PHACTR4: variants seen among roughly 807,000 people sequenced by gnomAD.
The protein encoded by PHACTR4 is phosphatase and actin regulator 4, also known as protein phosphatase 1, regulatory subunit 124.
In PHACTR4, 51 loss-of-function variants were observed where a neutral mutation model predicts 72.7. The ratio of observed to expected loss-of-function variants is 0.70; its 90% confidence interval spans 0.56 to 0.89. The LOEUF is 0.89. PHACTR4 is among the 40% of genes least tolerant of loss of function. The pLI is 0.00. For missense variants in PHACTR4, 731 were observed against 861.8 expected (o/e 0.85, Z 1.90); for synonymous variants, 255 against 302.5 (o/e 0.84, Z 1.63).
intron 1 of PHACTR4, among the ~76,000 whole-genome samples, chr1:28,376,198 A>T (rs1050814250): frequency 6.6e-6 from 1 of 151,592 alleles, no homozygotes; most frequent in African/African-American, 2.4e-5. Flanking sequence ...CTGTGGTCCC[A>T]GCTACTCAGG....
At chr1:28,491,598 G>T in intron 11 of PHACTR4, 52 bp from the exon 12 acceptor site, 1 of 1,612,942 alleles carries the variant, frequency 6.2e-7, no homozygotes, top group Non-Finnish European at 8.5e-7. Flanking sequence ...TTGAATGCAT[G>T]ATTGATGCCT....
Position 28,476,209 on chromosome 1 carries a change from G to A in PHACTR4, c.1524G>A (p.Glu508=). 7 of 1,613,708 alleles carry A rather than the reference G, an allele frequency of 4.3e-6. No individual in the cohort carries two copies. Among genetic ancestry groups the A allele is most frequent in the Non-Finnish European group, 5.9e-6 (7 of 1,179,828 alleles). The change falls in exon 8 of 14, where the codon GAG becomes GAA. Residue 508 remains glutamate (E), a synonymous_variant. Transcript: ENST00000373839. ...CTAAATTACCACAGTGTCTACGGGAGGAAGAAGAGAAGGAGAGCGACTCTG... is the reference window on the plus strand; with the variant it reads ...CTAAATTACCACAGTGTCTACGGGAAGAAGAAGAGAAGGAGAGCGACTCTG... The part of the protein sequence containing the change: ...VIPKLPQCLR[E]EEEKESDSDS...
chr1:28,479,155 T>TCACACCTATAATCC (rs1398114030), intron 8 of PHACTR4, among the ~76,000 whole-genome samples: 1 of 151,632 alleles, frequency 6.6e-6, no homozygotes, highest in Admixed American at 6.6e-5. Context: ...CCACGGTGGC[T>TCACACCTATAATCC]CACACCTATA....
intron 2 of PHACTR4, among the ~76,000 whole-genome samples, chr1:28,409,357 G>T (rs139920785): frequency 6.6e-6 from 1 of 152,148 alleles, no homozygotes; most frequent in Non-Finnish European, 1.5e-5. Context: ...AGGACTACAG[G>T]CATACTCCAC....
intron 4 of PHACTR4, among the ~76,000 whole-genome samples, chr1:28,460,505 G>A (rs1056034761): frequency 2.0e-5 from 3 of 151,704 alleles, no homozygotes; most frequent in East Asian, 1.9e-4. Context: ...ACAATATTGC[G>A]TGTCTTTTTT....
At chr1:28,430,885 T>C (rs76523549) in intron 2 of PHACTR4, among the ~76,000 whole-genome samples, 13,499 of 152,102 alleles carry the variant, frequency 0.089, 1,294 homozygotes, top group African/African-American at 0.24. Flanking sequence ...AAACTGCTTA[T>C]TAAAAATATA....
At chr1:28,432,777 A>G (rs371370757) in intron 2 of PHACTR4, among the ~76,000 whole-genome samples, 4 of 152,258 alleles carry the variant, frequency 2.6e-5, no homozygotes, top group Admixed American at 6.5e-5. Context: ...GGGTCTCACT[A>G]TCATCCAGGC....
intron 1 of PHACTR4, among the ~76,000 whole-genome samples, chr1:28,406,035 C>G (rs1383682943): frequency 6.6e-6 from 1 of 152,182 alleles, no homozygotes; most frequent in African/African-American, 2.4e-5. Context: ...TAGCAGCTCT[C>G]ACTTTGATAC....
At position 28,491,743 on chromosome 1, in the gene PHACTR4, C is replaced by G. The variant is rs758350018; in HGVS notation, c.1972C>G (p.Arg658Gly). 5 of 1,614,112 alleles carry G rather than the reference C, an allele frequency of 3.1e-6. No individual in the cohort carries two copies. Among genetic ancestry groups the G allele is most frequent in the Non-Finnish European group, 4.2e-6 (5 of 1,180,032 alleles). ...GGTAACAGATGCTCAAGATTATGACCGGCGAGCCGACAAACCTTGGACCAA... is the reference window on the plus strand; with the variant it reads ...GGTAACAGATGCTCAAGATTATGACGGGCGAGCCGACAAACCTTGGACCAA... The part of the protein sequence containing the change: ...VEVTDAQDYD[R>G]RADKPWTKLT... The change falls in exon 12 of 14, where the codon CGG becomes GGG. Residue 658 changes from arginine (R) to glycine (G), a missense_variant. Physicochemically the swap from Arg to Gly is moderately radical, Grantham distance 125. Transcript: ENST00000373839.
At position 28,498,414 on chromosome 1, in the gene PHACTR4, G is replaced by A. The variant is rs1557858205; in HGVS notation, c.*1865G>A. 1 of 152,276 alleles carries A rather than the reference G, an allele frequency of 6.6e-6. No homozygotes were observed. Among genetic ancestry groups the A allele is most frequent in the Non-Finnish European group, 1.5e-5 (1 of 68,062 alleles). 9.4% of individuals were successfully genotyped at this position (152,276 alleles called of 1,614,324 possible). On this transcript the variant is annotated 3_prime_UTR_variant, in exon 14 of 14. Coordinates refer to ENST00000373839, the MANE Select transcript of PHACTR4 (RefSeq NM_001048183.3). Reference sequence around the variant, plus strand: ...CCTCTTCCACACTATAACCAGTATGGTTGGTGCTGGGGCATTGACTCAGCC... The same window carrying A: ...CCTCTTCCACACTATAACCAGTATGATTGGTGCTGGGGCATTGACTCAGCC...
intron 2 of PHACTR4, among the ~76,000 whole-genome samples, chr1:28,433,897 C>T (rs900429894): frequency 2.0e-5 from 3 of 152,190 alleles, no homozygotes; most frequent in Non-Finnish European, 4.4e-5. Context: ...TCTCCTGCCT[C>T]AGCCTCCTGA....
At chr1:28,419,401 A>C (rs1381900316) in intron 2 of PHACTR4, among the ~76,000 whole-genome samples, 1 of 149,212 alleles carries the variant, frequency 6.7e-6, no homozygotes, top group Non-Finnish European at 1.5e-5. Context: ...ACACATATAT[A>C]TACACACACA....
At chr1:28,468,474 C>T (rs1222796724) in intron 6 of PHACTR4, among the ~76,000 whole-genome samples, 2 of 152,100 alleles carry the variant, frequency 1.3e-5, no homozygotes, top group Non-Finnish European at 2.9e-5. Context: ...CACCTGTAAT[C>T]CCAGCTACTC....
At chr1:28,377,126 C>T (rs186021923) in intron 1 of PHACTR4, among the ~76,000 whole-genome samples, 100 of 151,948 alleles carry the variant, frequency 6.6e-4, no homozygotes, top group Non-Finnish European at 1.2e-3. Context: ...GACAGGGTTT[C>T]GCCATGTTGG....
chr1:28,371,289 T>C lies in PHACTR4; in HGVS notation c.-39+1464T>C, dbSNP rs189663299. On this transcript the variant is annotated intron_variant, in intron 1 of 13. Coordinates refer to ENST00000373839, the MANE Select transcript of PHACTR4 (RefSeq NM_001048183.3). ...CACTGTGCCCGACTATTTAATTTAATTTATTTATATTTATTTATTTATTTT... is the reference window on the plus strand; with the variant it reads ...CACTGTGCCCGACTATTTAATTTAACTTATTTATATTTATTTATTTATTTT... 1.1e-4 allele frequency among the ~76,000 whole-genome samples: 16 copies of C among 152,040 alleles called. No individual in the cohort carries two copies. The East Asian group carries it at 1.7e-3, about 17-fold the overall frequency.
chr1:28,424,777 C>A (rs1205372773), intron 2 of PHACTR4, among the ~76,000 whole-genome samples: 2 of 151,786 alleles, frequency 1.3e-5, no homozygotes, highest in African/African-American at 2.4e-5. Context: ...TGTGAGCCAC[C>A]GTGGCTGGCC....
chr1:28,395,978 T>G (rs965470399), intron 1 of PHACTR4, among the ~76,000 whole-genome samples: 1 of 149,086 alleles, frequency 6.7e-6, no homozygotes, highest in African/African-American at 2.5e-5. Context: ...TTTTTTTTTT[T>G]GAACAGGCTT....
In PHACTR4 at chr1:28,438,244, A is replaced by C. The variant is rs1003265298; in HGVS notation, c.17-20841A>C. 7.0e-6 allele frequency: 10 copies of C among 1,422,400 alleles called. No homozygotes were observed. In the African/African-American group the frequency reaches 1.0e-4, roughly 14 times the overall value. 88.1% of individuals were successfully genotyped at this position (1,422,400 alleles called of 1,614,324 possible). A position where few individuals can be genotyped will look rare whatever the true frequency, so the allele number is the denominator to read the frequency against. On this transcript the variant is annotated intron_variant, in intron 2 of 13. Transcript: ENST00000373839. Reference sequence around the variant, plus strand: ...AACAGAAACTTCAGCAGATGAACTGACCTTATGCCATTTCCTGATGTTTGG... The same window carrying C: ...AACAGAAACTTCAGCAGATGAACTGCCCTTATGCCATTTCCTGATGTTTGG...
intron 4 of PHACTR4, 62 bp from the exon 5 acceptor site, chr1:28,465,623 A>T: frequency 1.4e-6 from 2 of 1,471,746 alleles, no homozygotes; most frequent in Non-Finnish European, 1.8e-6. Context: ...AGAAATTACT[A>T]ACTCTTCTTT....
Sources: allele counts gnomAD v4.1 joint callset (sites outside exome capture counted in the v4.1 genomes callset), GRCh38; gene constraint gnomAD v4.1.1; transcripts MANE v1.5; gene names NCBI Gene and HGNC (gene_info 2026-07-23, HGNC 2026-07-21).